PDZD2: variants seen among roughly 807,000 people sequenced by gnomAD.
PDZD2 encodes the protein PDZ domain-containing protein 2.
In PDZD2, 90 loss-of-function variants were observed where a neutral mutation model predicts 220.7. That is an observed-to-expected ratio of 0.41 (90% CI 0.34 to 0.49). PDZD2 has a LOEUF of 0.49. Ranked by LOEUF, PDZD2 falls within the 20% of genes least tolerant of loss-of-function variation. PDZD2 has a pLI of 0.28. For synonymous variants in PDZD2, 1,375 were observed against 1,450.5 expected (o/e 0.95, Z 1.18); for missense variants, 3,174 against 3,608.5 (o/e 0.88, Z 3.08).
intron 1 of PDZD2, among the ~76,000 whole-genome samples, chr5:31,772,278 G>A (rs1316596000): frequency 3.3e-5 from 5 of 151,794 alleles, no homozygotes; most frequent in Admixed American, 6.6e-5. Flanking sequence ...TTCTATAACC[G>A]TCTTTCCTGC....
intron 1 of PDZD2, among the ~76,000 whole-genome samples, chr5:31,757,147 A>C (rs1057100888): frequency 1.3e-5 from 2 of 152,114 alleles, no homozygotes; most frequent in Non-Finnish European, 2.9e-5. Flanking sequence ...TTAGCTGGGC[A>C]TGGTGGTGCA....
chr5:31,641,391 G>A (rs1254189798), intron 1 of PDZD2, among the ~76,000 whole-genome samples: 1 of 152,146 alleles, frequency 6.6e-6, no homozygotes, highest in Non-Finnish European at 1.5e-5. Context: ...TGCCAGAGAG[G>A]ATCTGAAAGG....
chr5:31,929,615 T>C (rs10053223), intron 2 of PDZD2, among the ~76,000 whole-genome samples: 79,808 of 152,024 alleles, frequency 0.52, 21,312 homozygotes, highest in East Asian at 0.81. Context: ...TTTGGGAGGC[T>C]GAGGCGGGTG....
At chr5:31,971,697 T>A (rs1309856968) in intron 2 of PDZD2, among the ~76,000 whole-genome samples, 1 of 152,186 alleles carries the variant, frequency 6.6e-6, no homozygotes, top group Non-Finnish European at 1.5e-5. Context: ...TTCTAACCTA[T>A]TCCCAACACA....
chr5:31,807,612 T>G (rs1476893677), intron 2 of PDZD2, among the ~76,000 whole-genome samples: 4 of 152,216 alleles, frequency 2.6e-5, no homozygotes, highest in Non-Finnish European at 5.9e-5. Context: ...GAATAATCTT[T>G]GGTCCAGACA....
chr5:31,833,198 G>A (rs980988651), intron 2 of PDZD2, among the ~76,000 whole-genome samples: 3 of 152,178 alleles, frequency 2.0e-5, no homozygotes, highest in African/African-American at 7.2e-5. Flanking sequence ...GCTGGGCCTG[G>A]TGACTCATGC....
At position 31,709,415 on chromosome 5, in the gene PDZD2, A is replaced by C. The variant is rs561739492; in HGVS notation, c.-361+69978A>C. ...GGCAGGAGGATAGTTTGAGCCCAGG[A>C]GGTCAAGGCTACAGTGAGCCTTATG... On this transcript the variant is annotated intron_variant, in intron 1 of 24. Coordinates refer to ENST00000438447, the MANE Select transcript of PDZD2 (RefSeq NM_178140.4). 1.3e-4 allele frequency among the ~76,000 whole-genome samples: 20 copies of C among 151,972 alleles called. No individual in the cohort carries two copies. In the South Asian group the frequency reaches 4.0e-3, roughly 30 times the overall value.
chr5:31,846,195 G>T (rs555514404), intron 2 of PDZD2, among the ~76,000 whole-genome samples: 1 of 152,162 alleles, frequency 6.6e-6, no homozygotes, highest in South Asian at 2.1e-4. Flanking sequence ...GTGCAGTGGC[G>T]CAATCTCGCC....
chr5:32,014,659 G>A (rs1441919829), intron 6 of PDZD2, among the ~76,000 whole-genome samples: 4 of 147,766 alleles, frequency 2.7e-5, no homozygotes, highest in Non-Finnish European at 5.9e-5. Context: ...CTGATTGGCA[G>A]TTCTTCTCCG....
At chr5:31,642,519 G>A (rs897607898) in intron 1 of PDZD2, among the ~76,000 whole-genome samples, 1 of 152,216 alleles carries the variant, frequency 6.6e-6, no homozygotes, top group Non-Finnish European at 1.5e-5. Flanking sequence ...GAAACTGCAG[G>A]TATAGACACT....
At position 32,052,447 on chromosome 5, in the gene PDZD2, C is replaced by T. The variant is rs1276063808; in HGVS notation, c.1666-164C>T. The T allele has an allele frequency of 6.3e-6, 4 of 635,704 alleles. 1 individual carries two copies. In the East Asian group the frequency reaches 1.2e-4, roughly 18 times the overall value. The allele number at this position is 635,704 out of a possible 1,614,324, so 39.4% of individuals were successfully genotyped here. A position where few individuals can be genotyped will look rare whatever the true frequency, so the allele number is the denominator to read the frequency against. On this transcript the variant is annotated intron_variant, in intron 8 of 24. Transcript: ENST00000438447. ...AGGCATGAGCCACGGTGCCCAGCAC[C>T]TGCGATAGTATTTATAGGAAACTTT...
chr5:31,987,364 G>A (rs944352737), intron 3 of PDZD2, among the ~76,000 whole-genome samples: 5 of 152,196 alleles, frequency 3.3e-5, no homozygotes, highest in African/African-American at 2.4e-5. Context: ...CTCTGTAAGT[G>A]GTTCAGCAGA....
chr5:31,780,764 C>T (rs1159658378), intron 1 of PDZD2, among the ~76,000 whole-genome samples: 2 of 152,144 alleles, frequency 1.3e-5, no homozygotes, highest in Non-Finnish European at 2.9e-5. Flanking sequence ...TCCGCGGTGT[C>T]CTCAGGGTCC....
At chr5:31,820,730 A>T (rs1269982140) in intron 2 of PDZD2, 1 of 152,120 alleles carries the variant, frequency 6.6e-6, no homozygotes, top group African/African-American at 2.4e-5. Context: ...CATTTTTGCC[A>T]AATTGTTTTA....
At chr5:31,978,207 C>T (rs985502880) in intron 2 of PDZD2, among the ~76,000 whole-genome samples, 1 of 152,042 alleles carries the variant, frequency 6.6e-6, no homozygotes, top group Admixed American at 6.6e-5. Flanking sequence ...GAGAGGAAGC[C>T]TTCTGTTTTT....
intron 2 of PDZD2, among the ~76,000 whole-genome samples, chr5:31,821,674 C>A (rs547840087): frequency 6.6e-6 from 1 of 152,108 alleles, no homozygotes; most frequent in South Asian, 2.1e-4. Context: ...CCACTGTGCC[C>A]GGCCATGATT....
intron 6 of PDZD2, among the ~76,000 whole-genome samples, chr5:32,021,411 C>G (rs1349495901): frequency 1.3e-5 from 2 of 152,118 alleles, no homozygotes; most frequent in Non-Finnish European, 2.9e-5. Context: ...ATTCTCATGC[C>G]TCAGCCTCCC....
At chr5:31,772,304 G>A (rs1456506058) in intron 1 of PDZD2, among the ~76,000 whole-genome samples, 4 of 151,990 alleles carry the variant, frequency 2.6e-5, no homozygotes, top group East Asian at 1.9e-4. Flanking sequence ...TGCTCACCCC[G>A]CCACTCTGGG....
Position 32,000,046 on chromosome 5 carries a change from C to T in PDZD2, c.1122-93C>T. 2.7e-6 allele frequency: 3 copies of T among 1,100,582 alleles called. No homozygotes were observed. In the Admixed American group the frequency reaches 6.2e-5, roughly 23 times the overall value. The allele number at this position is 1,100,582 out of a possible 1,614,324, so 68.2% of individuals were successfully genotyped here. On this transcript the variant is annotated intron_variant, in intron 4 of 24. Transcript: ENST00000438447. This position sits in a 1 kb window ranked among gnomAD's most constrained non-coding sequence, Gnocchi z 4.5. ...CCTCTTTAGCCCAATCTTAACCGTC[C>T]CTCCTCACAACCCTCCCTAGCTCCA...
Sources: allele counts gnomAD v4.1 joint callset (sites outside exome capture counted in the v4.1 genomes callset), GRCh38; gene constraint gnomAD v4.1.1; non-coding constraint Gnocchi (gnomAD v3.1); transcripts MANE v1.5; gene names NCBI Gene and HGNC (gene_info 2026-07-23, HGNC 2026-07-21).